The following GABRB1 variants were observed in gnomAD, a reference collection of about 807,000 sequenced individuals.
GABRB1 encodes the protein gamma-aminobutyric acid receptor subunit beta-1.
Under a neutral mutation model 51.6 loss-of-function variants are expected in GABRB1, and 17 were observed. The observed-to-expected ratio is 0.33, with a 90% CI of 0.23 to 0.49. The LOEUF (loss-of-function observed/expected upper bound fraction) is 0.49, where lower values mean the gene tolerates loss of function less well. Among genes scored for constraint, GABRB1 ranks in the 20% least tolerant of loss-of-function variants. The probability of loss-of-function intolerance (pLI) is 0.99; values close to 1 mark genes in which losing one functional copy is unlikely to be tolerated. For synonymous variants in GABRB1, 247 were observed against 218.9 expected, an observed-to-expected ratio of 1.13 and a Z score of -1.14; for missense variants, 410 against 600.6, an observed-to-expected ratio of 0.68 and a Z score of 3.32.
upstream of GABRB1, among the ~76,000 whole-genome samples, chr4:47,030,648 A>G (rs1725259460): frequency 6.6e-6 from 1 of 152,200 alleles, no homozygotes; most frequent in Non-Finnish European, 1.5e-5. Flanking sequence ...GTGCTCAATG[A>G]CATTTGTAGA....
rs146534840 is a variant in GABRB1 at position 47,277,791 on chromosome 4, T to C, written c.462-42336T>C. On this transcript the variant is annotated intron_variant, in intron 4 of 8. Transcript: ENST00000295454. ...TATTTTGTATTTCCTACTTCAAAATTATGATAGATATTAGGCCTACTGTCT... is the reference window on the plus strand; with the variant it reads ...TATTTTGTATTTCCTACTTCAAAATCATGATAGATATTAGGCCTACTGTCT... 5.7e-3 allele frequency among the ~76,000 whole-genome samples: 870 copies of C among 152,168 alleles called. 6 individuals are homozygous for C. Among genetic ancestry groups the C allele is most frequent in the African/African-American group, 0.02 (836 of 41,562 alleles).
intron 1 of GABRB1, among the ~76,000 whole-genome samples, chr4:47,010,388 A>T (rs1016572785): frequency 6.6e-6 from 1 of 152,210 alleles, no homozygotes; most frequent in Non-Finnish European, 1.5e-5. Flanking sequence ...TGCTTAAGAG[A>T]TGAGAACCTG....
intron 3 of GABRB1, among the ~76,000 whole-genome samples, chr4:47,054,495 C>A (rs1373647305): frequency 6.6e-6 from 1 of 152,142 alleles, no homozygotes; most frequent in Non-Finnish European, 1.5e-5. Flanking sequence ...CGATGAAGAT[C>A]AATGGGTAAT....
chr4:47,011,204 G>C (rs1560495160), intron 1 of GABRB1, among the ~76,000 whole-genome samples: 1 of 152,086 alleles, frequency 6.6e-6, no homozygotes, highest in Non-Finnish European at 1.5e-5. Flanking sequence ...AGGGCCCAGG[G>C]ACAAACTTCA....
chr4:47,399,043 G>A (rs1728290567), intron 5 of GABRB1, among the ~76,000 whole-genome samples: 1 of 152,170 alleles, frequency 6.6e-6, no homozygotes, highest in Non-Finnish European at 1.5e-5. Flanking sequence ...GCCCACCTTG[G>A]CCTCTCGAAG....
intron 1 of GABRB1, among the ~76,000 whole-genome samples, chr4:46,998,786 T>C (rs1249207292): frequency 7.4e-6 from 1 of 135,844 alleles, no homozygotes; most frequent in East Asian, 2.3e-4. Flanking sequence ...GGGGATACAA[T>C]CCAAGTAATA....
intron 3 of GABRB1, among the ~76,000 whole-genome samples, chr4:47,055,635 G>C (rs566074476): frequency 1.3e-5 from 2 of 152,252 alleles, no homozygotes; most frequent in South Asian, 4.1e-4. Flanking sequence ...TGACACCTGG[G>C]CTTTATTTCT....
At chr4:47,255,911 C>A (rs1445852354) in intron 4 of GABRB1, among the ~76,000 whole-genome samples, 1 of 152,054 alleles carries the variant, frequency 6.6e-6, no homozygotes, top group East Asian at 1.9e-4. Flanking sequence ...AAGGAAATGG[C>A]CAGAGATGGG....
Position 47,318,826 on chromosome 4 carries a change from G to A in GABRB1, c.462-1301G>A, listed in dbSNP as rs1406773734. Among the ~76,000 whole-genome samples, 7 of 151,890 alleles carry A rather than the reference G, an allele frequency of 4.6e-5. No individual in the cohort carries two copies. The East Asian group carries it at 5.8e-4, about 13-fold the overall frequency. ...GACAAAGAACTTTTAAAAATGTAACGGTCCTCCCCATAAAGTGTAATCATA... is the reference window on the plus strand; with the variant it reads ...GACAAAGAACTTTTAAAAATGTAACAGTCCTCCCCATAAAGTGTAATCATA... On this transcript the variant is annotated intron_variant, in intron 4 of 8. Coordinates refer to ENST00000295454, the MANE Select transcript of GABRB1 (RefSeq NM_000812.4).
At chr4:47,017,903 A>G (rs1013888109) in intron 1 of GABRB1, among the ~76,000 whole-genome samples, 11 of 152,234 alleles carry the variant, frequency 7.2e-5, no homozygotes, top group Non-Finnish European at 1.5e-4. Context: ...TGTTAAATTC[A>G]GATTTTCAGA....
At chr4:47,044,455 T>C (rs967684814) in intron 3 of GABRB1, among the ~76,000 whole-genome samples, 15 of 152,206 alleles carry the variant, frequency 9.9e-5, no homozygotes, top group Admixed American at 7.2e-4. Context: ...TCCTAATTTA[T>C]ACTCTCAAGT....
chr4:46,996,955 G>A (rs1425162882), intron 1 of GABRB1, among the ~76,000 whole-genome samples: 2 of 152,152 alleles, frequency 1.3e-5, no homozygotes, highest in African/African-American at 4.8e-5. Context: ...CTGAAGGCTT[G>A]TAGATATAGG....
At chr4:47,283,237 T>C (rs1183700685) in intron 4 of GABRB1, among the ~76,000 whole-genome samples, 3 of 151,828 alleles carry the variant, frequency 2.0e-5, no homozygotes, top group African/African-American at 7.3e-5. Context: ...TTAAAACAAT[T>C]GAGGATTCTG....
intron 3 of GABRB1, among the ~76,000 whole-genome samples, chr4:47,119,684 T>G: frequency 6.6e-6 from 1 of 152,036 alleles, no homozygotes; most frequent in East Asian, 1.9e-4. Context: ...AATTTTGTAT[T>G]TTTTAGCAGA....
chr4:47,191,458 C>T lies in GABRB1; in HGVS notation c.461+29989C>T, dbSNP rs559868387. 1.7e-4 allele frequency among the ~76,000 whole-genome samples: 26 copies of T among 152,256 alleles called. No individual in the cohort carries two copies. The South Asian group carries it at 5.4e-3, about 32-fold the overall frequency. Reference sequence around the variant, plus strand: ...AACAGACTCAATTCTACCTTATTCACCAATTTCAGTCACTTCCAGTGACTA... The same window carrying T: ...AACAGACTCAATTCTACCTTATTCATCAATTTCAGTCACTTCCAGTGACTA... On this transcript the variant is annotated intron_variant, in intron 4 of 8. Transcript: ENST00000295454.
chr4:47,214,504 G>T (rs528188484), intron 4 of GABRB1, among the ~76,000 whole-genome samples: 1 of 152,284 alleles, frequency 6.6e-6, no homozygotes, highest in Non-Finnish European at 1.5e-5. Flanking sequence ...TTGTGACTTT[G>T]TAGGGCTTAT....
At chr4:47,242,128 C>T (rs1721547686) in intron 4 of GABRB1, among the ~76,000 whole-genome samples, 1 of 151,692 alleles carries the variant, frequency 6.6e-6, no homozygotes, top group Non-Finnish European at 1.5e-5. Context: ...TGAGTGAGAA[C>T]ATGCGGTGTT....
intron 4 of GABRB1, among the ~76,000 whole-genome samples, chr4:47,300,243 T>C (rs1724205560): frequency 1.3e-5 from 2 of 151,844 alleles, no homozygotes. Flanking sequence ...AGTATAATAA[T>C]AATGAAATTA....
At chr4:47,059,556 G>A (rs1283669277) in intron 3 of GABRB1, among the ~76,000 whole-genome samples, 1 of 152,000 alleles carries the variant, frequency 6.6e-6, no homozygotes, top group East Asian at 1.9e-4. Context: ...TGAATATCTT[G>A]TACCTAAAGA....
Sources: allele counts gnomAD v4.1 joint callset (sites outside exome capture counted in the v4.1 genomes callset), GRCh38; gene constraint gnomAD v4.1.1; transcripts MANE v1.5; gene names NCBI Gene and HGNC (gene_info 2026-07-23, HGNC 2026-07-21).